The following RBFOX1 variants were observed in gnomAD, a reference collection of about 807,000 sequenced individuals.
RBFOX1 encodes the protein RNA binding protein fox-1 homolog 1.
A neutral mutation model predicts 57.7 loss-of-function variants in RBFOX1; 8 were observed. The ratio of observed to expected loss-of-function variants is 0.14; its 90% CI spans 0.08 to 0.25. The LOEUF is 0.25. Ranked by LOEUF, RBFOX1 falls within the 10% of genes least tolerant of loss-of-function variation. RBFOX1 has a pLI of 1.00. For synonymous variants in RBFOX1, 326 were observed against 222.4 expected, an observed-to-expected ratio of 1.47 and a Z score of -4.15; for missense variants, 611 against 548.5, an observed-to-expected ratio of 1.11 and a Z score of -1.14.
Position 6,501,601 on chromosome 16 carries a change from C to T in RBFOX1, c.-63-153002C>T, listed in dbSNP as rs553990084. 3.0e-4 allele frequency among the ~76,000 whole-genome samples: 46 copies of T among 152,094 alleles called. 1 individual carries two copies. The highest frequency in any genetic ancestry group is 1.2e-3 in the South Asian group (6 of 4,812). On this transcript the variant is annotated intron_variant, in intron 2 of 15. Transcript: ENST00000550418. ...TGTGAATAGTGCCACAATAAACATA[C>T]GTGTGCATGCATGTGTCTTTATAGC...
chr16:6,374,956 C>T (rs1029666859), intron 2 of RBFOX1, among the ~76,000 whole-genome samples: 2 of 152,158 alleles, frequency 1.3e-5, no homozygotes, highest in African/African-American at 4.8e-5. Context: ...AATCCATTCG[C>T]CTGAGGAAGT....
chr16:5,388,680 G>A (rs939727078), intron 1 of RBFOX1, among the ~76,000 whole-genome samples: 4 of 151,924 alleles, frequency 2.6e-5, no homozygotes, highest in African/African-American at 4.8e-5. Context: ...GGGTTCAAGC[G>A]ATTTTCCTGT....
At chr16:6,153,104 G>C (rs1355481080) in intron 1 of RBFOX1, among the ~76,000 whole-genome samples, 3 of 136,528 alleles carry the variant, frequency 2.2e-5, no homozygotes, top group East Asian at 4.4e-4. Context: ...AGTGGTGTTT[G>C]GTTACATGAG....
chr16:6,064,475 T>C (rs1181008630), intron 1 of RBFOX1, among the ~76,000 whole-genome samples: 2 of 152,218 alleles, frequency 1.3e-5, no homozygotes, highest in Non-Finnish European at 1.5e-5. Context: ...AAGTGGGCAA[T>C]GTAGTAAGCA....
At chr16:7,130,106 C>T (rs184196306) in intron 4 of RBFOX1, among the ~76,000 whole-genome samples, 2 of 151,176 alleles carry the variant, frequency 1.3e-5, no homozygotes, top group African/African-American at 4.9e-5. Flanking sequence ...GATCTTGGCC[C>T]ACTGCAACCT....
At chr16:6,757,977 G>GTTGTTT (rs974639626) in intron 3 of RBFOX1, among the ~76,000 whole-genome samples, 1 of 152,106 alleles carries the variant, frequency 6.6e-6, no homozygotes, top group Non-Finnish European at 1.5e-5. Context: ...GGTTTTGTTG[G>GTTGTTT]TTGTTTTTAA....
chr16:7,706,117 C>T (rs540743218), intron 14 of RBFOX1, among the ~76,000 whole-genome samples: 3 of 152,268 alleles, frequency 2.0e-5, no homozygotes, highest in South Asian at 2.1e-4. Flanking sequence ...CTGCTGCAAA[C>T]GTAGCACTCA....
At chr16:7,472,361 C>T (rs1298011240) in intron 4 of RBFOX1, among the ~76,000 whole-genome samples, 1 of 151,860 alleles carries the variant, frequency 6.6e-6, no homozygotes, top group East Asian at 1.9e-4. Flanking sequence ...ATAAACTTTC[C>T]ATTAACAGTA....
chr16:5,897,016 C>CTTTTTTTTTTGTTTTTTTTTTT (rs2058182431), intron 4 of RBFOX1, among the ~76,000 whole-genome samples: 1 of 56,460 alleles, frequency 1.8e-5, no homozygotes, highest in Non-Finnish European at 3.0e-5. Context: ...TATCCATCCG[C>CTTTTTTTTTTGTTTTTTTTTTT]TTTTTTTTTT....
chr16:6,320,929 G>C (rs997400326), intron 2 of RBFOX1, among the ~76,000 whole-genome samples: 3 of 152,098 alleles, frequency 2.0e-5, no homozygotes, highest in Admixed American at 6.6e-5. Context: ...AAGTAGCTGA[G>C]ATTACAGGCA....
At chr16:7,514,560 G>T (rs1034478529) in intron 4 of RBFOX1, among the ~76,000 whole-genome samples, 2 of 152,140 alleles carry the variant, frequency 1.3e-5, no homozygotes, top group Non-Finnish European at 2.9e-5. Flanking sequence ...GAGCAGAGGG[G>T]ATGGGCAACT....
intron 2 of RBFOX1, among the ~76,000 whole-genome samples, chr16:6,441,073 G>A (rs902525122): frequency 6.6e-6 from 1 of 152,184 alleles, no homozygotes; most frequent in Non-Finnish European, 1.5e-5. Flanking sequence ...CAAGAGTGAT[G>A]ACCAGAGTCA....
At chr16:5,508,543 T>G (rs115842607) in intron 2 of RBFOX1, among the ~76,000 whole-genome samples, 3,122 of 152,228 alleles carry the variant, frequency 0.021, 65 homozygotes, top group African/African-American at 0.051. Context: ...ACAGAGTGAT[T>G]GCACAGAGTG....
chr16:5,993,262 C>A (rs371895846), intron 4 of RBFOX1, among the ~76,000 whole-genome samples: 42 of 152,132 alleles, frequency 2.8e-4, no homozygotes, highest in Non-Finnish European at 5.3e-4. Context: ...CCATTAATTT[C>A]TCTTTCTTTT....
chr16:6,725,573 A>G (rs1298231531), intron 3 of RBFOX1, among the ~76,000 whole-genome samples: 1 of 152,178 alleles, frequency 6.6e-6, no homozygotes, highest in South Asian at 2.1e-4. Flanking sequence ...CATATAATCA[A>G]GAGATAATCA....
At chr16:7,289,806 C>T (rs1291830797) in intron 4 of RBFOX1, among the ~76,000 whole-genome samples, 1 of 152,142 alleles carries the variant, frequency 6.6e-6, no homozygotes, top group Admixed American at 6.6e-5. Flanking sequence ...GTGCTTGTCT[C>T]ACTTATAAAT....
chr16:6,064,609 C>T (rs904507744), intron 1 of RBFOX1, among the ~76,000 whole-genome samples: 1 of 151,936 alleles, frequency 6.6e-6, no homozygotes, highest in African/African-American at 2.4e-5. Flanking sequence ...GGTGCGATCT[C>T]GGCTCACTGC....
intron 3 of RBFOX1, among the ~76,000 whole-genome samples, chr16:5,755,602 G>C (rs1245811364): frequency 6.6e-6 from 1 of 152,088 alleles, no homozygotes; most frequent in African/African-American, 2.4e-5. Flanking sequence ...TTGTTTGTTT[G>C]TTTATTTTTT....
intron 3 of RBFOX1, among the ~76,000 whole-genome samples, chr16:6,708,431 C>A (rs377069720): frequency 7.9e-5 from 12 of 152,082 alleles, no homozygotes; most frequent in East Asian, 5.8e-4. Context: ...GATTTTGTAC[C>A]TGTCATTTTT....
Sources: gnomAD v4.1 joint callset for allele counts (sites outside exome capture counted in the v4.1 genomes callset) on GRCh38, gnomAD v4.1.1 for gene constraint, MANE v1.5 for transcripts, NCBI Gene and HGNC (gene_info 2026-07-23, HGNC 2026-07-21) for gene names.